Variants in LCORL observed in about 807,000 individuals in gnomAD.
LCORL encodes the protein ligand-dependent nuclear receptor corepressor-like protein.
In LCORL, 41 loss-of-function variants were observed where a neutral mutation model predicts 141.8. The observed-to-expected ratio is 0.29, with a 90% CI of 0.23 to 0.38. The LOEUF (loss-of-function observed/expected upper bound fraction) is 0.38. Among genes scored for constraint, LCORL ranks in the 10% least tolerant of loss-of-function variants. LCORL has a pLI of 1.00. For synonymous variants in LCORL, 618 were observed against 694.1 expected (o/e 0.89, Z 1.72); for missense variants, 1,759 against 2,035.0 (o/e 0.86, Z 2.61).
At chr4:17,845,491 A>G (rs534489787) in exon 8 of LCORL, 1 of 370,466 alleles carries the variant, frequency 2.7e-6, no homozygotes, top group African/African-American at 2.1e-5. Context: ...AAATTCACAT[A>G]ATACCACTAA....
At chr4:17,928,441 T>C (rs890293450) in intron 4 of LCORL, among the ~76,000 whole-genome samples, 5 of 152,154 alleles carry the variant, frequency 3.3e-5, no homozygotes, top group Admixed American at 1.3e-4. Flanking sequence ...TCAATTCATA[T>C]AATTCAGCAT....
rs943174513 is a variant in LCORL, at chr4:17,942,653, T to C, written c.430+19250A>G. On this transcript the variant is annotated intron_variant, in intron 4 of 7. Transcript: ENST00000635767. Reference sequence around the variant, plus strand: ...AAAATCAATTATCAAAACTCTAATATAACTATGATACTTGCTCAGGGTAAT... The same window carrying C: ...AAAATCAATTATCAAAACTCTAATACAACTATGATACTTGCTCAGGGTAAT... Among the ~76,000 whole-genome samples the C allele has an allele frequency of 4.6e-5, 7 of 152,188 alleles. No homozygotes were observed. In the East Asian group the frequency reaches 9.6e-4, roughly 21 times the overall value.
rs762889977 is a variant in LCORL at position 17,886,054 on chromosome 4, T to C, written c.776+14A>G. 1 of 1,341,504 alleles carries C rather than the reference T, an allele frequency of 7.5e-7. No individual in the cohort carries two copies. The allele number at this position is 1,341,504 out of a possible 1,614,324, so 83.1% of individuals were successfully genotyped here. ...TATATTAATATTAAATTATATTTCC[T>C]AGATATTGCTTACCCAGCCACTGAA... On this transcript the variant is annotated intron_variant, in intron 6 of 7. Transcript: ENST00000635767.
intron 7 of LCORL, among the ~76,000 whole-genome samples, chr4:17,846,683 C>A (rs927022310): frequency 5.9e-5 from 9 of 152,140 alleles, no homozygotes; most frequent in African/African-American, 1.9e-4. Flanking sequence ...TTAATATACA[C>A]CCTCTGTTCT....
At chr4:17,976,861 T>C (rs953964567) in intron 1 of LCORL, among the ~76,000 whole-genome samples, 2 of 152,190 alleles carry the variant, frequency 1.3e-5, no homozygotes, top group African/African-American at 4.8e-5. Context: ...CTTCGTAATG[T>C]GCCTTTTTCT....
rs1341459450 is a variant in LCORL at position 17,874,913 on chromosome 4, T to C, written c.4077A>G (p.Lys1359=). ...TTTTCTGCAAATGCAGTTTATATGATTTATGGAGCAGAGCGTTTCTATAAA... is the reference window on the plus strand; with the variant it reads ...TTTTCTGCAAATGCAGTTTATATGACTTATGGAGCAGAGCGTTTCTATAAA... The change falls in exon 7 of 8, where the codon AAA becomes AAG. Residue 1359 remains lysine (K), a synonymous_variant. Coordinates refer to ENST00000635767, the Ensembl canonical transcript of LCORL. The C allele has an allele frequency of 9.7e-6, 12 of 1,233,732 alleles. No homozygotes were observed. The South Asian group carries it at 2.9e-4, about 29-fold the overall frequency. 76.4% of individuals were successfully genotyped at this position (1,233,732 alleles called of 1,614,324 possible). A position where few individuals can be genotyped will look rare whatever the true frequency, so the allele number is the denominator to read the frequency against.
intron 1 of LCORL, among the ~76,000 whole-genome samples, chr4:17,993,896 G>A (rs115660789): frequency 2.0e-5 from 3 of 152,306 alleles, no homozygotes; most frequent in Admixed American, 6.5e-5. Flanking sequence ...ACAATTAAAT[G>A]GAAAGAATTT....
chr4:17,915,809 G>A (rs563390468), intron 4 of LCORL, among the ~76,000 whole-genome samples: 72 of 152,278 alleles, frequency 4.7e-4, no homozygotes, highest in African/African-American at 1.7e-3. Flanking sequence ...GTTAATTAAA[G>A]TGCAAAAAGA....
intron 5 of LCORL, among the ~76,000 whole-genome samples, chr4:17,886,481 C>T (rs1728282112): frequency 6.6e-6 from 1 of 152,030 alleles, no homozygotes; most frequent in Non-Finnish European, 1.5e-5. Flanking sequence ...TCATTCATGA[C>T]TGTTTTCCAT....
At chr4:17,917,930 A>G (rs764987500) in intron 4 of LCORL, among the ~76,000 whole-genome samples, 7 of 149,276 alleles carry the variant, frequency 4.7e-5, no homozygotes, top group Non-Finnish European at 7.4e-5. Context: ...CGCTGAAGTT[A>G]CAGGTTAACA....
intron 4 of LCORL, among the ~76,000 whole-genome samples, chr4:17,913,587 G>C (rs1408979042): frequency 6.6e-6 from 1 of 152,198 alleles, no homozygotes; most frequent in Non-Finnish European, 1.5e-5. Flanking sequence ...AGAGTGTTCT[G>C]AGAAAGGCAG....
intron 5 of LCORL, among the ~76,000 whole-genome samples, chr4:17,891,321 C>A (rs1025415425): frequency 6.6e-6 from 1 of 151,900 alleles, no homozygotes; most frequent in Non-Finnish European, 1.5e-5. Context: ...CCAGACTGGG[C>A]AACATAGTAA....
exon 5 of LCORL, chr4:17,909,318 A>T: frequency 6.2e-7 from 1 of 1,608,944 alleles, no homozygotes; most frequent in Non-Finnish European, 8.5e-7. Flanking sequence ...AACTAGGGGA[A>T]TGTTAGGATC....
exon 7 of LCORL, chr4:17,875,522 A>C (rs1726825023): frequency 8.1e-7 from 1 of 1,231,246 alleles, no homozygotes; most frequent in Admixed American, 4.2e-5. Flanking sequence ...TTCCTTCAGA[A>C]ACATGCCTTT....
rs1310590070 is a variant in LCORL at position 17,884,380 on chromosome 4, A to G, written c.776+1688T>C. On this transcript the variant is annotated intron_variant, in intron 6 of 7. Coordinates refer to ENST00000635767, the Ensembl canonical transcript of LCORL. The surrounding 1 kb of genome is among the most constrained non-coding windows in gnomAD (Gnocchi z 4.4). ...TGACCATTTTCTGTAGAGTTAGCTG[A>G]TGGAGGTAAGTGGAAGCTGTTGGGA... 1.3e-6 allele frequency: 2 copies of G among 1,547,446 alleles called. No individual in the cohort carries two copies. The highest frequency in any genetic ancestry group is 1.4e-5 in the African/African-American group (1 of 72,502).
chr4:18,018,855 A>G (rs1725043023), intron 1 of LCORL, among the ~76,000 whole-genome samples: 1 of 152,222 alleles, frequency 6.6e-6, no homozygotes, highest in South Asian at 2.1e-4. Flanking sequence ...AGAGCACCGA[A>G]TATTATATAT....
chr4:17,985,500 A>C (rs952847621), intron 1 of LCORL, among the ~76,000 whole-genome samples: 6 of 152,116 alleles, frequency 3.9e-5, no homozygotes, highest in African/African-American at 1.4e-4. Flanking sequence ...TGTTGAATTG[A>C]ACCCTTTACC....
chr4:18,021,474 A>C lies in LCORL; in HGVS notation c.154+124T>G. 7.8e-6 allele frequency: 6 copies of C among 773,944 alleles called. No individual in the cohort carries two copies. The highest frequency in any genetic ancestry group is 2.3e-5 in the South Asian group (1 of 43,862). The allele number at this position is 773,944 out of a possible 1,614,324, so 47.9% of individuals were successfully genotyped here. A position where few individuals can be genotyped will look rare whatever the true frequency, so the allele number is the denominator to read the frequency against. ...GGGGCCGCCGCGCCGCGCCGCTCCC[A>C]TCTCGCTCCCCCACCGAACTAACCC... is the stretch of plus-strand genomic sequence containing the variant. On this transcript the variant is annotated intron_variant, in intron 1 of 7. Coordinates refer to ENST00000635767, the Ensembl canonical transcript of LCORL. The surrounding 1 kb of genome is among the most constrained non-coding windows in gnomAD (Gnocchi z 5.5).
chr4:17,920,141 T>C (rs954575236), intron 4 of LCORL, among the ~76,000 whole-genome samples: 1 of 152,202 alleles, frequency 6.6e-6, no homozygotes, highest in Non-Finnish European at 1.5e-5. Context: ...GAGGGGGTCA[T>C]GGAACCCCAA....
Sources: gnomAD v4.1 joint callset for allele counts (sites outside exome capture counted in the v4.1 genomes callset) on GRCh38, gnomAD v4.1.1 for gene constraint, Gnocchi (gnomAD v3.1) non-coding constraint, MANE v1.5 for transcripts, NCBI Gene and HGNC (gene_info 2026-07-23, HGNC 2026-07-21) for gene names.